Variants in RABGAP1 observed in about 807,000 individuals in gnomAD.
The protein encoded by RABGAP1 is rab GTPase-activating protein 1.
RABGAP1 carries 23 observed loss-of-function variants against 137.6 expected under a neutral mutation model. That is an observed-to-expected ratio of 0.17 (90% confidence interval 0.12 to 0.24). The LOEUF (loss-of-function observed/expected upper bound fraction) is 0.24. Ranked by LOEUF, RABGAP1 falls within the 10% of genes least tolerant of loss-of-function variation. The pLI is 1.00. For missense variants in RABGAP1, 906 were observed against 1,275.8 expected (o/e 0.71, Z 4.42); for synonymous variants, 451 against 450.7 (o/e 1.00, Z -0.01).
At chr9:123,004,473 C>T (rs555400873) in intron 10 of RABGAP1, among the ~76,000 whole-genome samples, 3 of 151,740 alleles carry the variant, frequency 2.0e-5, no homozygotes, top group Non-Finnish European at 2.9e-5. Flanking sequence ...TTTGGAGAGA[C>T]GGAGTTTCAC....
chr9:123,066,378 A>G (rs779814691), intron 14 of RABGAP1, among the ~76,000 whole-genome samples: 4 of 152,108 alleles, frequency 2.6e-5, no homozygotes, highest in Non-Finnish European at 5.9e-5. Context: ...GACCCCTGCC[A>G]TCTCTCACTT....
intron 21 of RABGAP1, among the ~76,000 whole-genome samples, chr9:123,093,512 G>A (rs2035091905): frequency 1.3e-5 from 2 of 152,342 alleles, no homozygotes; most frequent in South Asian, 2.1e-4. Context: ...CTGCTGTCCA[G>A]CAGGATGTAA....
intron 19 of RABGAP1, among the ~76,000 whole-genome samples, chr9:123,088,210 C>T (rs1362810933): frequency 6.6e-6 from 1 of 151,906 alleles, no homozygotes; most frequent in Non-Finnish European, 1.5e-5. Flanking sequence ...GCCACCATAC[C>T]TGGCCAATTT....
Position 123,083,505 on chromosome 9 carries a change from T to A in RABGAP1, c.2425-6253T>A, listed in dbSNP as rs574881858. Reference sequence around the variant, plus strand: ...ACTGCCTTCTTTTAATAAGCTGGTCTCCCTTAGTCCTTATCTGTTTGGGTT... The same window carrying A: ...ACTGCCTTCTTTTAATAAGCTGGTCACCCTTAGTCCTTATCTGTTTGGGTT... On this transcript the variant is annotated intron_variant, in intron 19 of 25. Coordinates refer to ENST00000373647, the MANE Select transcript of RABGAP1 (RefSeq NM_012197.4). Among the ~76,000 whole-genome samples the A allele has an allele frequency of 1.8e-4, 27 of 152,372 alleles. No homozygotes were observed. The South Asian group carries it at 5.2e-3, about 29-fold the overall frequency.
intron 13 of RABGAP1, among the ~76,000 whole-genome samples, chr9:123,054,011 A>C (rs1032154761): frequency 4.6e-5 from 7 of 152,236 alleles, no homozygotes; most frequent in African/African-American, 1.7e-4. Context: ...AAGATTACAG[A>C]ATGTGGTACC....
intron 2 of RABGAP1, among the ~76,000 whole-genome samples, chr9:122,981,130 C>T (rs187117078): frequency 6.1e-4 from 93 of 152,046 alleles, no homozygotes; most frequent in East Asian, 5.0e-3. Context: ...CTCTGCTCCC[C>T]GGGTTCAAGC....
intron 1 of RABGAP1, among the ~76,000 whole-genome samples, chr9:122,956,581 T>C (rs1004157552): frequency 3.2e-4 from 41 of 130,110 alleles, no homozygotes; most frequent in Admixed American, 9.2e-4. Flanking sequence ...ACCCAGGAGG[T>C]GGGGCTTGCA....
At chr9:123,011,483 C>G (rs143627199) in intron 11 of RABGAP1, among the ~76,000 whole-genome samples, 1 of 152,194 alleles carries the variant, frequency 6.6e-6, no homozygotes, top group East Asian at 1.9e-4. Context: ...TGACTTTCTT[C>G]ATGTTTAGAG....
At chr9:122,991,607 T>C (rs12335837) in intron 6 of RABGAP1, among the ~76,000 whole-genome samples, 11,962 of 144,410 alleles carry the variant, frequency 0.083, 1,351 homozygotes, top group East Asian at 0.58. Flanking sequence ...CTCTCTCTCT[T>C]TTTTTTTTTT....
intron 13 of RABGAP1, among the ~76,000 whole-genome samples, chr9:123,032,072 A>AAGAGCAGGCCCTTCAGGATTC (rs2032329477): frequency 6.6e-6 from 1 of 152,234 alleles, no homozygotes; most frequent in Non-Finnish European, 1.5e-5. Context: ...TAGCCTCAGT[A>AAGAGCAGGCCCTTCAGGATTC]AGAGCAGGCC....
intron 2 of RABGAP1, among the ~76,000 whole-genome samples, chr9:122,976,867 G>T (rs1427317186): frequency 1.3e-5 from 2 of 152,178 alleles, no homozygotes; most frequent in African/African-American, 4.8e-5. Flanking sequence ...AGATCTCCCA[G>T]AGGAGATAAC....
At chr9:122,972,579 G>T (rs570000280) in intron 2 of RABGAP1, among the ~76,000 whole-genome samples, 1 of 152,324 alleles carries the variant, frequency 6.6e-6, no homozygotes, top group African/African-American at 2.4e-5. Context: ...CAAGTCACAA[G>T]TCCAGTTCTT....
chr9:122,998,320 A>C (rs1371716457), intron 9 of RABGAP1, among the ~76,000 whole-genome samples: 1 of 152,032 alleles, frequency 6.6e-6, no homozygotes, highest in African/African-American at 2.4e-5. Context: ...GGCTGGTCTC[A>C]TGGGCTCAAG....
intron 13 of RABGAP1, among the ~76,000 whole-genome samples, chr9:123,023,137 CA>C: frequency 6.6e-6 from 1 of 152,194 alleles, no homozygotes; most frequent in South Asian, 2.1e-4. Flanking sequence ...CCTGAGTAAT[CA>C]TTATTCTGGC....
At chr9:122,942,998 C>T (rs570171876) in intron 1 of RABGAP1, among the ~76,000 whole-genome samples, 1 of 150,756 alleles carries the variant, frequency 6.6e-6, no homozygotes, top group Non-Finnish European at 1.5e-5. Context: ...GGTAACACAG[C>T]CAGTTCCCAT....
chr9:123,066,482 A>G (rs1037828906), intron 14 of RABGAP1, among the ~76,000 whole-genome samples: 41 of 152,214 alleles, frequency 2.7e-4, no homozygotes, highest in African/African-American at 7.2e-4. Context: ...TTCCTATTTC[A>G]TGGTGCTCTT....
At chr9:123,051,330 C>T (rs1409806464) in intron 13 of RABGAP1, among the ~76,000 whole-genome samples, 1 of 142,452 alleles carries the variant, frequency 7.0e-6, no homozygotes, top group East Asian at 2.3e-4. Context: ...CCACTGCAAC[C>T]TCCGCCTCCC....
chr9:122,979,920 G>C (rs1386806743), intron 2 of RABGAP1, among the ~76,000 whole-genome samples: 4 of 152,206 alleles, frequency 2.6e-5, no homozygotes, highest in Non-Finnish European at 1.5e-5. Context: ...TTGGCAGCAA[G>C]GAAGAGAGCC....
At chr9:123,049,776 A>G (rs984872608) in intron 13 of RABGAP1, among the ~76,000 whole-genome samples, 29 of 152,244 alleles carry the variant, frequency 1.9e-4, no homozygotes, top group African/African-American at 6.8e-4. Flanking sequence ...AAGGTGGGAA[A>G]TATGCCAGCA....
Sources: gnomAD v4.1 joint callset for allele counts (sites outside exome capture counted in the v4.1 genomes callset) on GRCh38, gnomAD v4.1.1 for gene constraint, MANE v1.5 for transcripts, NCBI Gene and HGNC (gene_info 2026-07-23, HGNC 2026-07-21) for gene names.